The following BTC variants were observed in gnomAD, a reference collection of about 807,000 sequenced individuals.
The protein encoded by BTC is betacellulin, also known as probetacellulin.
A neutral mutation model predicts 18.1 loss-of-function variants in BTC; 13 were observed. The observed-to-expected ratio is 0.72, with a 90% CI of 0.47 to 1.14. BTC has a LOEUF of 1.14. Ranked by LOEUF, BTC falls within the 50% of genes most tolerant of loss-of-function variation. The probability of loss-of-function intolerance (pLI) is 0.00; values close to 1 mark genes in which losing one functional copy is unlikely to be tolerated. For missense variants in BTC, 247 were observed against 224.2 expected (o/e 1.10, Z -0.65); for synonymous variants, 83 against 79.4 (o/e 1.05, Z -0.24).
At chr4:74,766,024 C>T (rs73825040) in intron 2 of BTC, among the ~76,000 whole-genome samples, 4,900 of 152,092 alleles carry the variant, frequency 0.032, 244 homozygotes, top group African/African-American at 0.11. Context: ...ATACTGTAAG[C>T]AATCATAACA....
intron 1 of BTC, among the ~76,000 whole-genome samples, chr4:74,772,362 C>CAA (rs1725065161): frequency 6.6e-6 from 1 of 152,066 alleles, no homozygotes; most frequent in Non-Finnish European, 1.5e-5. Flanking sequence ...ACACTTAGAA[C>CAA]AAATAGAAAC....
intron 1 of BTC, among the ~76,000 whole-genome samples, chr4:74,790,539 A>G (rs1255921733): frequency 6.6e-6 from 1 of 152,122 alleles, no homozygotes; most frequent in African/African-American, 2.4e-5. Flanking sequence ...ACCCATTTTC[A>G]GTAATTGCCA....
At chr4:74,761,532 CAACTT>C (rs1724757782) in intron 2 of BTC, among the ~76,000 whole-genome samples, 1 of 152,346 alleles carries the variant, frequency 6.6e-6, no homozygotes, top group East Asian at 1.9e-4. Flanking sequence ...ACTGGCATTT[CAACTT>C]AACACTATCA....
intron 1 of BTC, among the ~76,000 whole-genome samples, chr4:74,770,976 G>T (rs367843812): frequency 7.3e-4 from 111 of 151,686 alleles, no homozygotes; most frequent in African/African-American, 2.5e-3. Context: ...TGATGTATCT[G>T]GGGTTTGCTT....
chr4:74,778,026 C>T (rs73825047), intron 1 of BTC, among the ~76,000 whole-genome samples: 5,159 of 150,446 alleles, frequency 0.034, 285 homozygotes, highest in African/African-American at 0.12. Flanking sequence ...CCCTATCTAA[C>T]GTGGAGTTTG....
At chr4:74,791,634 T>G (rs987984467) in intron 1 of BTC, among the ~76,000 whole-genome samples, 2 of 152,178 alleles carry the variant, frequency 1.3e-5, no homozygotes, top group Non-Finnish European at 2.9e-5. Context: ...TTTATAAAAT[T>G]TCTCAAAGAA....
intron 1 of BTC, among the ~76,000 whole-genome samples, chr4:74,784,231 C>T (rs1383426390): frequency 1.0e-4 from 12 of 116,338 alleles, no homozygotes; most frequent in African/African-American, 3.3e-4. Flanking sequence ...GATTCTCTCT[C>T]GAAAAAAAAA....
chr4:74,751,774 A>G (rs1278418811), intron 3 of BTC, among the ~76,000 whole-genome samples: 3 of 152,202 alleles, frequency 2.0e-5, no homozygotes, highest in African/African-American at 7.2e-5. Context: ...AACCAAAATT[A>G]TCTGTTGTAA....
intron 2 of BTC, among the ~76,000 whole-genome samples, chr4:74,763,174 A>T (rs782782223): frequency 6.6e-6 from 1 of 152,296 alleles, no homozygotes; most frequent in African/African-American, 2.4e-5. Context: ...AAAATTCTAT[A>T]TCCTATACAG....
At chr4:74,763,900 A>G (rs1411882198) in intron 2 of BTC, among the ~76,000 whole-genome samples, 2 of 152,226 alleles carry the variant, frequency 1.3e-5, no homozygotes, top group African/African-American at 4.8e-5. Flanking sequence ...GGTGATAGAT[A>G]CATGCTAATT....
At chr4:74,753,133 A>C (rs1553956353) in intron 3 of BTC, among the ~76,000 whole-genome samples, 2 of 152,186 alleles carry the variant, frequency 1.3e-5, no homozygotes, top group African/African-American at 4.8e-5. Flanking sequence ...TTTTTTATTA[A>C]ATGGTGACTA....
chr4:74,784,305 A>G (rs1281585192), intron 1 of BTC, among the ~76,000 whole-genome samples: 1 of 152,002 alleles, frequency 6.6e-6, no homozygotes, highest in East Asian at 1.9e-4. Context: ...AGCCTGCTGA[A>G]GTTGCTTATC....
intron 2 of BTC, among the ~76,000 whole-genome samples, chr4:74,769,128 G>A (rs1724975941): frequency 1.3e-5 from 2 of 152,146 alleles, no homozygotes; most frequent in Non-Finnish European, 2.9e-5. Context: ...GAAAGGAGCA[G>A]TTTGCACCAA....
At chr4:74,788,951 A>G (rs1725551344) in intron 1 of BTC, among the ~76,000 whole-genome samples, 1 of 152,234 alleles carries the variant, frequency 6.6e-6, no homozygotes, top group Admixed American at 6.5e-5. Flanking sequence ...TCATTATCAA[A>G]GCTAGGAAGT....
At chr4:74,747,336 G>A (rs1163267873) in intron 5 of BTC, among the ~76,000 whole-genome samples, 1 of 152,160 alleles carries the variant, frequency 6.6e-6, no homozygotes, top group Non-Finnish European at 1.5e-5. Flanking sequence ...AAGATCCGAA[G>A]GCGAAAGGAG....
chr4:74,779,752 A>C (rs1725269466), intron 1 of BTC, among the ~76,000 whole-genome samples: 1 of 152,164 alleles, frequency 6.6e-6, no homozygotes, highest in African/African-American at 2.4e-5. Context: ...TTCAGAGTAG[A>C]TGCTCACCCA....
intron 2 of BTC, among the ~76,000 whole-genome samples, chr4:74,765,031 G>T (rs926628123): frequency 1.1e-5 from 1 of 94,578 alleles, no homozygotes; most frequent in African/African-American, 8.5e-5. Context: ...GAACAGTATG[G>T]GGGAAATTGC....
At chr4:74,757,031 G>C (rs557007466) in intron 2 of BTC, among the ~76,000 whole-genome samples, 3 of 152,258 alleles carry the variant, frequency 2.0e-5, no homozygotes, top group African/African-American at 7.2e-5. Context: ...CTCCAGCCCA[G>C]GGTCAAACTT....
intron 1 of BTC, among the ~76,000 whole-genome samples, chr4:74,784,575 TC>T (rs1347385251): frequency 2.0e-5 from 3 of 152,328 alleles, no homozygotes; most frequent in African/African-American, 7.2e-5. Context: ...CATATATGGC[TC>T]TTACTGTTTT....
Sources: gnomAD v4.1 joint callset for allele counts (sites outside exome capture counted in the v4.1 genomes callset) on GRCh38, gnomAD v4.1.1 for gene constraint, MANE v1.5 for transcripts, NCBI Gene and HGNC (gene_info 2026-07-23, HGNC 2026-07-21) for gene names.